The following MED27 variants were observed in gnomAD, a reference collection of about 807,000 sequenced individuals.
The protein encoded by MED27 is mediator complex subunit 27.
MED27 carries 30 observed loss-of-function variants against 38.2 expected under a neutral mutation model. The ratio of observed to expected loss-of-function variants is 0.79; its 90% CI spans 0.59 to 1.07. The LOEUF (loss-of-function observed/expected upper bound fraction) is 1.07. MED27 is among the 50% of genes least tolerant of loss of function. The pLI, the probability that MED27 is intolerant of heterozygous loss-of-function variation, is 0.00. For synonymous variants in MED27, 122 were observed against 153.5 expected (o/e 0.79, Z 1.52); for missense variants, 289 against 397.5 (o/e 0.73, Z 2.32).
At chr9:131,970,240 C>T (rs1239984143) in intron 3 of MED27, among the ~76,000 whole-genome samples, 1 of 152,242 alleles carries the variant, frequency 6.6e-6, no homozygotes, top group Non-Finnish European at 1.5e-5. Flanking sequence ...CTTCTGTGGA[C>T]ACGTGGCTGG....
rs534312467 is a variant in MED27 at position 131,944,533 on chromosome 9, T to TG, written c.480-5060_480-5059insC. Among the ~76,000 whole-genome samples the TG allele has an allele frequency of 2.4e-3, 352 of 149,714 alleles. 2 individuals are homozygous for TG. Among genetic ancestry groups the TG allele is most frequent in the African/African-American group, 8.0e-3 (330 of 41,084 alleles). On this transcript the variant is annotated intron_variant, in intron 3 of 7. Coordinates refer to ENST00000292035, the MANE Select transcript of MED27 (RefSeq NM_004269.4). ...TCTTTCATCAGTGGTTTTTAGTCTT[T>TG]TTTTTTTTTTTTGAGATGGAGTCTC...
intron 4 of MED27, among the ~76,000 whole-genome samples, chr9:131,932,145 T>TA (rs915012135): frequency 5.8e-4 from 85 of 146,746 alleles, no homozygotes; most frequent in Admixed American, 1.2e-3. Flanking sequence ...CTTAACACAT[T>TA]AAAAAAAAAA....
At chr9:132,040,879 T>C (rs1409895332) in intron 2 of MED27, among the ~76,000 whole-genome samples, 1 of 152,152 alleles carries the variant, frequency 6.6e-6, no homozygotes, top group Non-Finnish European at 1.5e-5. Flanking sequence ...TTCCCTCATG[T>C]TGAGATTAGG....
In MED27 at chr9:131,860,560, A is replaced by C; in HGVS notation, c.914T>G (p.Phe305Cys). ...TWRDFRTLEA[F>C]HDTCRQ is the part of the protein sequence containing the mutation. ...GGGCTACTGCCGGCAGGTGTCATGGAAGGCTTCGAGGGTTCGGAAATCCCT... is the reference window on the plus strand; with the variant it reads ...GGGCTACTGCCGGCAGGTGTCATGGCAGGCTTCGAGGGTTCGGAAATCCCT... The change falls in exon 8 of 8, where the codon TTC becomes TGC. Residue 305 changes from phenylalanine (F) to cysteine (C), a missense_variant. By Grantham distance (205) the Phe-to-Cys change is radical. Coordinates refer to ENST00000292035, the MANE Select transcript of MED27 (RefSeq NM_004269.4). This position sits in a 1 kb window ranked among gnomAD's most constrained non-coding sequence, Gnocchi z 5.8. 1.9e-6 allele frequency: 3 copies of C among 1,555,104 alleles called. No homozygotes were observed. Among genetic ancestry groups the C allele is most frequent in the Non-Finnish European group, 2.6e-6 (3 of 1,150,212 alleles).
chr9:131,914,161 C>T (rs1050580885), intron 4 of MED27, among the ~76,000 whole-genome samples: 1 of 152,154 alleles, frequency 6.6e-6, no homozygotes, highest in Admixed American at 6.5e-5. Context: ...GGCACAAACC[C>T]TATGGAAATC....
intron 3 of MED27, among the ~76,000 whole-genome samples, chr9:131,948,537 A>AC (rs1053034545): frequency 4.6e-5 from 7 of 152,048 alleles, no homozygotes; most frequent in Admixed American, 2.0e-4. Flanking sequence ...ACATAACACC[A>AC]ACCAACCAAA....
At chr9:131,919,200 C>T (rs1474088714) in intron 4 of MED27, among the ~76,000 whole-genome samples, 1 of 152,144 alleles carries the variant, frequency 6.6e-6, no homozygotes, top group African/African-American at 2.4e-5. Context: ...TCACTTGCCT[C>T]CAAAAGATAA....
intron 2 of MED27, among the ~76,000 whole-genome samples, chr9:132,038,826 G>A (rs1833141751): frequency 6.6e-6 from 1 of 152,182 alleles, no homozygotes; most frequent in Admixed American, 6.5e-5. Flanking sequence ...GAGCTGAGGT[G>A]GGTGAGGGCG....
intron 3 of MED27, among the ~76,000 whole-genome samples, chr9:131,978,354 T>C (rs1831654921): frequency 6.6e-6 from 1 of 152,214 alleles, no homozygotes; most frequent in African/African-American, 2.4e-5. Flanking sequence ...GGATCCCAAT[T>C]CAAACAAACT....
Position 131,934,142 on chromosome 9 carries a change from C to A in MED27, c.573+5239G>T, listed in dbSNP as rs570755045. Among the ~76,000 whole-genome samples, 6 of 152,314 alleles carry A rather than the reference C, an allele frequency of 3.9e-5. No homozygotes were observed. The South Asian group carries it at 1.2e-3, about 32-fold the overall frequency. ...AAATCAAATACAAATGGATTAAAGA[C>A]TTAAATCTAAGACCTCAAACTATGA... On this transcript the variant is annotated intron_variant, in intron 4 of 7. Coordinates refer to ENST00000292035, the MANE Select transcript of MED27 (RefSeq NM_004269.4).
At chr9:131,940,031 C>T (rs558785578) in intron 3 of MED27, among the ~76,000 whole-genome samples, 12 of 151,834 alleles carry the variant, frequency 7.9e-5, no homozygotes, top group East Asian at 1.9e-4. Flanking sequence ...TTCAGCCTCC[C>T]GAGTAGCTGG....
At chr9:132,071,856 GCACA>G (rs143064371) in intron 2 of MED27, among the ~76,000 whole-genome samples, 6 of 149,940 alleles carry the variant, frequency 4.0e-5, no homozygotes, top group South Asian at 2.1e-4. Flanking sequence ...CCATGAACAA[GCACA>G]CACACACACA....
At chr9:131,932,146 A>T (rs997186486) in intron 4 of MED27, among the ~76,000 whole-genome samples, 1 of 148,068 alleles carries the variant, frequency 6.8e-6, no homozygotes, top group Admixed American at 6.8e-5. Context: ...TTAACACATT[A>T]AAAAAAAAAC....
chr9:132,079,069 C>G (rs928738742), intron 1 of MED27, among the ~76,000 whole-genome samples: 1 of 152,070 alleles, frequency 6.6e-6, no homozygotes, highest in African/African-American at 2.4e-5. Context: ...GAAGGAACTC[C>G]CACAGGAGTG....
intron 3 of MED27, among the ~76,000 whole-genome samples, chr9:131,998,342 T>C (rs996524118): frequency 2.0e-5 from 3 of 151,246 alleles, no homozygotes; most frequent in African/African-American, 7.3e-5. Context: ...GGGAAGACAG[T>C]GGTAGATGAT....
intron 1 of MED27, among the ~76,000 whole-genome samples, chr9:132,077,957 C>T (rs1348801427): frequency 3.3e-5 from 5 of 152,184 alleles, no homozygotes; most frequent in Non-Finnish European, 2.9e-5. Flanking sequence ...TTCAGACCCA[C>T]GTGCAGATCA....
At position 131,907,966 on chromosome 9, in the gene MED27, G is replaced by A. The variant is rs1311773134; in HGVS notation, c.574-13974C>T. ...CCGGCTGCCCCATCTGAGAAGTGAG[G>A]AGACCCTCTGCCTGGCAACCGCCCC... On this transcript the variant is annotated intron_variant, in intron 4 of 7. Coordinates refer to ENST00000292035, the MANE Select transcript of MED27 (RefSeq NM_004269.4). 7.3e-5 allele frequency among the ~76,000 whole-genome samples: 11 copies of A among 151,552 alleles called. No individual in the cohort carries two copies. In the East Asian group the frequency reaches 2.2e-3, roughly 30 times the overall value.
intron 4 of MED27, among the ~76,000 whole-genome samples, chr9:131,923,579 T>C (rs1830434356): frequency 6.6e-6 from 1 of 152,244 alleles, no homozygotes; most frequent in Admixed American, 6.5e-5. Context: ...TTTTGCATTC[T>C]TCTTTTTTAA....
intron 4 of MED27, among the ~76,000 whole-genome samples, chr9:131,929,785 T>C (rs1459909434): frequency 6.6e-6 from 1 of 152,182 alleles, no homozygotes; most frequent in Admixed American, 6.5e-5. Context: ...TCAGACAGCA[T>C]CTGTGAACCC....
Sources: gnomAD v4.1 joint callset for allele counts (sites outside exome capture counted in the v4.1 genomes callset) on GRCh38, gnomAD v4.1.1 for gene constraint, Gnocchi (gnomAD v3.1) non-coding constraint, MANE v1.5 for transcripts, NCBI Gene and HGNC (gene_info 2026-07-23, HGNC 2026-07-21) for gene names.